The following LINGO2 variants were observed in gnomAD, a reference collection of about 807,000 sequenced individuals.
The protein encoded by LINGO2 is leucine rich repeat and Ig domain containing 2, also known as leucine-rich repeat and immunoglobulin-like domain-containing nogo receptor-interacting protein 2.
A neutral mutation model predicts 30.6 loss-of-function variants in LINGO2; 14 were observed. The ratio of observed to expected loss-of-function variants is 0.46; its 90% CI spans 0.30 to 0.72. LINGO2 has a LOEUF of 0.72. Ranked by LOEUF, LINGO2 falls within the 30% of genes least tolerant of loss-of-function variation. LINGO2 has a pLI of 0.07. For synonymous variants in LINGO2, 317 were observed against 288.5 expected, an observed-to-expected ratio of 1.10 and a Z score of -1.00; for missense variants, 729 against 751.7, an observed-to-expected ratio of 0.97 and a Z score of 0.35.
At chr9:28,412,625 A>G (rs1202797460) in intron 2 of LINGO2, among the ~76,000 whole-genome samples, 1 of 152,102 alleles carries the variant, frequency 6.6e-6, no homozygotes, top group Non-Finnish European at 1.5e-5. Context: ...TATAGTACTA[A>G]TTATAAATCT....
chr9:29,120,331 A>G, the LINGO2 span, among the ~76,000 whole-genome samples: 1 of 152,202 alleles, frequency 6.6e-6, no homozygotes, highest in African/African-American at 2.4e-5. Flanking sequence ...TAATCATGTT[A>G]ATTTGAAAAA....
intron 4 of LINGO2, among the ~76,000 whole-genome samples, chr9:28,291,308 T>C (rs986944649): frequency 6.6e-6 from 1 of 152,286 alleles, no homozygotes; most frequent in Admixed American, 6.5e-5. Context: ...GGCATTGAAG[T>C]GAACAGAAAA....
chr9:28,673,301 A>G (rs1273319900), upstream of LINGO2, among the ~76,000 whole-genome samples: 7 of 152,158 alleles, frequency 4.6e-5, no homozygotes, highest in African/African-American at 1.7e-4. Flanking sequence ...GTAATCCTAG[A>G]TCATGTGATT....
chr9:29,212,218 G>T, the LINGO2 span, among the ~76,000 whole-genome samples: 2 of 152,052 alleles, frequency 1.3e-5, no homozygotes, highest in African/African-American at 4.8e-5. Flanking sequence ...GAGCTCGGAA[G>T]CGCGCCGGGA....
the LINGO2 span, among the ~76,000 whole-genome samples, chr9:28,727,360 A>C: frequency 0.015 from 2,203 of 151,608 alleles, 56 homozygotes; most frequent in African/African-American, 0.051. Context: ...ATCTCAGCTC[A>C]CTGCAAGCTC....
chr9:28,052,521 A>G (rs2133068173), intron 4 of LINGO2, among the ~76,000 whole-genome samples: 1 of 152,166 alleles, frequency 6.6e-6, no homozygotes, highest in Admixed American at 6.6e-5. Flanking sequence ...CTCAAGCACC[A>G]TCTGCCAGAG....
chr9:28,680,214 T>C, the LINGO2 span, among the ~76,000 whole-genome samples: 1 of 152,072 alleles, frequency 6.6e-6, no homozygotes, highest in Non-Finnish European at 1.5e-5. Flanking sequence ...GATCATGATA[T>C]ACTGGTATTT....
chr9:29,112,652 T>C, the LINGO2 span, among the ~76,000 whole-genome samples: 2 of 152,188 alleles, frequency 1.3e-5, no homozygotes, highest in African/African-American at 4.8e-5. Context: ...AAGTGCCAAC[T>C]GTCAAAAACA....
At chr9:28,784,755 C>A in the LINGO2 span, among the ~76,000 whole-genome samples, 1 of 152,028 alleles carries the variant, frequency 6.6e-6, no homozygotes, top group African/African-American at 2.4e-5. Flanking sequence ...AGATCGAGAC[C>A]ATCCTGGCCA....
chr9:28,169,518 T>C (rs1185329662), intron 4 of LINGO2, among the ~76,000 whole-genome samples: 2 of 152,198 alleles, frequency 1.3e-5, no homozygotes, highest in African/African-American at 2.4e-5. Context: ...TTTAAAAATA[T>C]TCACTAACGT....
the LINGO2 span, among the ~76,000 whole-genome samples, chr9:29,114,245 T>C: frequency 2.6e-5 from 4 of 151,800 alleles, no homozygotes; most frequent in Non-Finnish European, 4.4e-5. Flanking sequence ...ATGTATCTAT[T>C]GACATGTTGT....
At chr9:28,954,677 A>G in the LINGO2 span, among the ~76,000 whole-genome samples, 1 of 152,182 alleles carries the variant, frequency 6.6e-6, no homozygotes, top group Non-Finnish European at 1.5e-5. Context: ...TTCACCTAGC[A>G]CACGGCTCAA....
chr9:28,491,320 C>T (rs758386833), intron 1 of LINGO2, among the ~76,000 whole-genome samples: 1 of 152,142 alleles, frequency 6.6e-6, no homozygotes. Flanking sequence ...CACTCCAATC[C>T]CTGTGTCTGT....
chr9:29,172,083 T>C, the LINGO2 span, among the ~76,000 whole-genome samples: 1 of 151,954 alleles, frequency 6.6e-6, no homozygotes, highest in Non-Finnish European at 1.5e-5. Flanking sequence ...AGTCTCTCTT[T>C]ATGGACTATG....
chr9:28,281,692 G>A (rs530720170), intron 4 of LINGO2, among the ~76,000 whole-genome samples: 27 of 151,998 alleles, frequency 1.8e-4, no homozygotes, highest in Non-Finnish European at 2.6e-4. Context: ...GCTCATACAA[G>A]GATAGGTGAT....
intron 5 of LINGO2, among the ~76,000 whole-genome samples, chr9:27,993,751 A>G (rs900358866): frequency 1.3e-5 from 2 of 152,126 alleles, no homozygotes; most frequent in Non-Finnish European, 2.9e-5. Context: ...GTAATCTTAC[A>G]TTTTAACATT....
chr9:29,127,828 C>T, the LINGO2 span, among the ~76,000 whole-genome samples: 2 of 152,084 alleles, frequency 1.3e-5, no homozygotes, highest in African/African-American at 2.4e-5. Context: ...AGTGGCAACT[C>T]GTCCAGGGTG....
At chr9:29,128,669 C>G in the LINGO2 span, among the ~76,000 whole-genome samples, 2 of 152,110 alleles carry the variant, frequency 1.3e-5, no homozygotes, top group Non-Finnish European at 2.9e-5. Flanking sequence ...TTTTGGTTCA[C>G]AGCCTTCATT....
chr9:28,492,611 C>T (rs891277969), intron 1 of LINGO2, among the ~76,000 whole-genome samples: 1 of 152,094 alleles, frequency 6.6e-6, no homozygotes, highest in African/African-American at 2.4e-5. Flanking sequence ...TACTAAACTC[C>T]TGAAATACTA....
Sources: gnomAD v4.1 joint callset for allele counts (sites outside exome capture counted in the v4.1 genomes callset) on GRCh38, gnomAD v4.1.1 for gene constraint, MANE v1.5 for transcripts, NCBI Gene and HGNC (gene_info 2026-07-23, HGNC 2026-07-21) for gene names.